NOX4: variants seen among roughly 807,000 people sequenced by gnomAD.
The protein encoded by NOX4 is NADPH oxidase 4, also known as kidney oxidase-1.
A neutral mutation model predicts 87.6 loss-of-function variants in NOX4; 69 were observed. The observed-to-expected ratio is 0.79, with a 90% CI of 0.65 to 0.96. The LOEUF is 0.96. Ranked by LOEUF, NOX4 falls within the 40% of genes least tolerant of loss-of-function variation. The pLI, the probability that NOX4 is intolerant of heterozygous loss-of-function variation, is 0.00. For missense variants in NOX4, 680 were observed against 681.5 expected (o/e 1.00, Z 0.02); for synonymous variants, 275 against 238.2 (o/e 1.15, Z -1.42).
intron 2 of NOX4, among the ~76,000 whole-genome samples, chr11:89,459,731 T>C (rs1225255189): frequency 6.6e-6 from 1 of 152,144 alleles, no homozygotes; most frequent in Non-Finnish European, 1.5e-5. Context: ...ATGGCCATAC[T>C]GCCCAAGGTA....
the NOX4 span, among the ~76,000 whole-genome samples, chr11:89,536,659 ATTACTACTTC>A: frequency 6.6e-6 from 1 of 152,172 alleles, no homozygotes; most frequent in Non-Finnish European, 1.5e-5. Flanking sequence ...TAGCACTATT[ATTACTACTTC>A]TTCTTTTGCT....
chr11:89,560,996 C>CTCTCTCTATA, the NOX4 span, among the ~76,000 whole-genome samples: 9 of 40,806 alleles, frequency 2.2e-4, no homozygotes, highest in African/African-American at 9.2e-4. Flanking sequence ...CTCTCTCTCT[C>CTCTCTCTATA]TATATATATA....
intron 2 of NOX4, among the ~76,000 whole-genome samples, chr11:89,482,028 T>C (rs1292225600): frequency 6.6e-6 from 1 of 152,072 alleles, no homozygotes; most frequent in Non-Finnish European, 1.5e-5. Context: ...CAAAATAAAA[T>C]ATTGATGCTA....
intron 8 of NOX4, 109 bp from the exon 9 acceptor site, chr11:89,402,651 C>T: frequency 2.4e-6 from 2 of 830,574 alleles, no homozygotes; most frequent in South Asian, 1.6e-5. Flanking sequence ...GCTAACTTTA[C>T]ACAGCATTTA....
At chr11:89,526,108 G>A in the NOX4 span, among the ~76,000 whole-genome samples, 1 of 152,034 alleles carries the variant, frequency 6.6e-6, no homozygotes, top group Non-Finnish European at 1.5e-5. Context: ...CCTTATAGTA[G>A]GTCTTGAAAG....
chr11:89,401,947 AATAAT>A lies in NOX4; in HGVS notation c.846+374_846+378del, dbSNP rs760019680. 1.6e-3 allele frequency among the ~76,000 whole-genome samples: 241 copies of A among 152,168 alleles called. 3 individuals are homozygous for A. Among genetic ancestry groups the A allele is most frequent in the Non-Finnish European group, 1.9e-4 (13 of 67,996 alleles). The stretch of plus-strand genomic sequence containing the variant: ...ATTTACTATTTACAATATTATACAT[AATAAT>A]ATAATACAATAAAATAATAATTTGT... On this transcript the variant is annotated intron_variant, in intron 9 of 17. Coordinates refer to ENST00000263317, the MANE Select transcript of NOX4 (RefSeq NM_016931.5).
At chr11:89,433,411 A>G (rs933194036) in intron 6 of NOX4, among the ~76,000 whole-genome samples, 2 of 152,050 alleles carry the variant, frequency 1.3e-5, no homozygotes, top group African/African-American at 4.8e-5. Context: ...TACACTAAAC[A>G]TCAGTAATTA....
Position 89,479,162 on chromosome 11 carries a change from G to A in NOX4, c.153+11296C>T, listed in dbSNP as rs558724409. 2.2e-4 allele frequency among the ~76,000 whole-genome samples: 33 copies of A among 152,204 alleles called. No individual in the cohort carries two copies. The South Asian group carries it at 6.2e-3, about 29-fold the overall frequency. On this transcript the variant is annotated intron_variant, in intron 2 of 17. Transcript: ENST00000263317. ...GATCTTCACCCTCCTTGAAGTCTAT[G>A]CTTCCATATAAGGTAGAGTAGCAGG...
At chr11:89,395,346 G>A (rs1397565911) in intron 11 of NOX4, among the ~76,000 whole-genome samples, 1 of 152,022 alleles carries the variant, frequency 6.6e-6, no homozygotes. Context: ...TTTATGATGG[G>A]GTTGTTTGCT....
chr11:89,473,040 G>C (rs554786625), intron 2 of NOX4, among the ~76,000 whole-genome samples: 2 of 152,168 alleles, frequency 1.3e-5, no homozygotes, highest in Admixed American at 6.5e-5. Context: ...TATTGAAGTG[G>C]AAATATTTTT....
the NOX4 span, among the ~76,000 whole-genome samples, chr11:89,528,075 G>A: frequency 6.6e-6 from 1 of 152,212 alleles, no homozygotes; most frequent in Non-Finnish European, 1.5e-5. Context: ...TGAACTGGAT[G>A]TGAGACATGG....
the NOX4 span, among the ~76,000 whole-genome samples, chr11:89,535,665 G>T: frequency 6.6e-6 from 1 of 151,624 alleles, no homozygotes; most frequent in South Asian, 2.1e-4. Flanking sequence ...CATAGGCACT[G>T]TGCTCTGGGA....
At chr11:89,403,464 C>T (rs903931112) in intron 8 of NOX4, among the ~76,000 whole-genome samples, 4 of 152,128 alleles carry the variant, frequency 2.6e-5, no homozygotes, top group African/African-American at 9.7e-5. Context: ...GTTTACAGTA[C>T]ATGCTTTTTA....
At chr11:89,327,817 GAA>G (rs537014837) in intron 17 of NOX4, among the ~76,000 whole-genome samples, 199 of 152,144 alleles carry the variant, frequency 1.3e-3, no homozygotes, top group Non-Finnish European at 2.0e-3. Context: ...TAAAAGCTGT[GAA>G]AATAGAATTT....
the NOX4 span, among the ~76,000 whole-genome samples, chr11:89,523,825 A>G: frequency 6.6e-6 from 1 of 152,234 alleles, no homozygotes; most frequent in Non-Finnish European, 1.5e-5. Context: ...ATTCAGCAGC[A>G]TGGATGAATA....
chr11:89,325,962 T>C lies in NOX4; in HGVS notation c.*794A>G, dbSNP rs1287800432. ...GTATATACATATATATATCCATATA[T>C]ATATATCCCTTTATAATTTATAGTA... On this transcript the variant is annotated 3_prime_UTR_variant, in exon 18 of 18. Transcript: ENST00000263317. 6.7e-6 allele frequency: 1 copy of C among 149,284 alleles called. No homozygotes were observed. The highest frequency in any genetic ancestry group is 1.5e-5 in the Non-Finnish European group (1 of 67,414). The allele number at this position is 149,284 out of a possible 1,614,324, so 9.2% of individuals were successfully genotyped here.
At chr11:89,467,349 CAAAAA>C (rs71052233) in intron 2 of NOX4, among the ~76,000 whole-genome samples, 8 of 61,462 alleles carry the variant, frequency 1.3e-4, no homozygotes, top group African/African-American at 4.0e-4. Context: ...AAACTCGTCA[CAAAAA>C]AAAAAAAAAA....
At chr11:89,382,539 C>T (rs1045085656) in intron 11 of NOX4, among the ~76,000 whole-genome samples, 1 of 151,912 alleles carries the variant, frequency 6.6e-6, no homozygotes, top group African/African-American at 2.4e-5. Context: ...TCCTTCCTTC[C>T]CTCCCACCTG....
rs894746988 is a variant in NOX4 at position 89,481,016 on chromosome 11, A to G, written c.153+9442T>C. On this transcript the variant is annotated intron_variant, in intron 2 of 17. Coordinates refer to ENST00000263317, the MANE Select transcript of NOX4 (RefSeq NM_016931.5). ...CAGTAAATAGCCTTCCTCTCTCCAG[A>G]GGATCAGGGAGGCAGCCAAAGGTCA... 2.0e-5 allele frequency among the ~76,000 whole-genome samples: 3 copies of G among 152,206 alleles called. No individual in the cohort carries two copies. The South Asian group carries it at 6.2e-4, about 32-fold the overall frequency.
Sources: gnomAD v4.1 joint callset for allele counts (sites outside exome capture counted in the v4.1 genomes callset) on GRCh38, gnomAD v4.1.1 for gene constraint, MANE v1.5 for transcripts, NCBI Gene and HGNC (gene_info 2026-07-23, HGNC 2026-07-21) for gene names.